Variants in SPTBN4 observed in about 807,000 individuals in gnomAD.
SPTBN4 encodes spectrin beta chain, non-erythrocytic 4.
In SPTBN4, 96 loss-of-function variants were observed where a neutral mutation model predicts 277.8. The observed-to-expected ratio is 0.35, with a 90% CI of 0.29 to 0.41. SPTBN4 has a LOEUF of 0.41. Ranked by LOEUF, SPTBN4 falls within the 10% of genes least tolerant of loss-of-function variation. The pLI is 1.00. For synonymous variants in SPTBN4, 1,481 were observed against 1,580.3 expected (o/e 0.94, Z 1.49); for missense variants, 3,006 against 3,595.7 (o/e 0.84, Z 4.19).
chr19:40,475,809 G>T (rs1323103258), intron 2 of SPTBN4, among the ~76,000 whole-genome samples: 2 of 151,594 alleles, frequency 1.3e-5, no homozygotes, highest in African/African-American at 4.8e-5. Context: ...ACTTTGAGAG[G>T]CCGAGGCGGG....
At chr19:40,493,509 C>A (rs1419106078) in intron 5 of SPTBN4, among the ~76,000 whole-genome samples, 3 of 152,154 alleles carry the variant, frequency 2.0e-5, no homozygotes, top group African/African-American at 7.2e-5. Flanking sequence ...CATAGCAAGA[C>A]CCCATCTCTA....
rs2079982007 is a variant in SPTBN4 at position 40,479,240 on chromosome 19, G to A, written c.169+6450G>A. On this transcript the variant is annotated intron_variant, in intron 2 of 35. Transcript: ENST00000598249. ...AGGCTGAGATGGGAGCATCACTTGA[G>A]CCCAGGAGTTTGAGACCGACCTGGA... Among the ~76,000 whole-genome samples the A allele has an allele frequency of 2.6e-5, 4 of 152,028 alleles. No homozygotes were observed. The South Asian group carries it at 8.3e-4, about 32-fold the overall frequency.
At position 40,567,919 on chromosome 19, in the gene SPTBN4, T is replaced by C. The variant is rs2081112252; in HGVS notation, c.6593T>C (p.Ile2198Thr). ...LQPRIDRLPE[I>T]PGRVEPAALP... ...CCGCGCATTGACCGGCTGCCGGAGA[T>C]CCCGGGGAGGGTGGAGCCCGCGGCC... The change falls in exon 31 of 36, where the codon ATC (isoleucine) becomes ACC (threonine). Residue 2198 changes from isoleucine to threonine, a missense_variant. Physicochemically the swap from Ile to Thr is moderately conservative, Grantham distance 89 (BLOSUM62 -1). Coordinates refer to ENST00000598249, the MANE Select transcript of SPTBN4 (RefSeq NM_020971.3). 6.6e-7 allele frequency: 1 copy of C among 1,521,304 alleles called. No individual in the cohort carries two copies. The allele number at this position is 1,521,304 out of a possible 1,614,324, so 94.2% of individuals were successfully genotyped here.
chr19:40,472,465 CT>C, intron 1 of SPTBN4, 141 bp from the exon 2 acceptor site: 1 of 678,484 alleles, frequency 1.5e-6, no homozygotes, highest in Non-Finnish European at 2.3e-6. Flanking sequence ...GCATGAGCCA[CT>C]GTGCCTAGGC....
At chr19:40,556,961 G>T in intron 25 of SPTBN4, 62 bp from the exon 26 acceptor site, 1 of 1,490,366 alleles carries the variant, frequency 6.7e-7, no homozygotes, top group African/African-American at 1.4e-5. Context: ...GCTGGAGGGG[G>T]CTGGTGTATG....
intron 11 of SPTBN4, 100 bp downstream of exon 11, chr19:40,503,033 A>G (rs978446439): frequency 6.3e-6 from 9 of 1,434,572 alleles, no homozygotes; most frequent in Non-Finnish European, 6.6e-6. Flanking sequence ...GCAACAGGGA[A>G]GAGTTAGATT....
In SPTBN4 at chr19:40,557,134, G is replaced by A; in HGVS notation, c.5401G>A (p.Ala1801Thr). ...TGAGCTGATCGAGTGTGGCCATACA[G>A]CAGCGGCCACCATGGCCGAGTGGAA... Reference protein sequence around the residue: ...VDELIECGHTAAATMAEWKDG... With the variant: ...VDELIECGHTTAATMAEWKDG... The change falls in exon 26 of 36, where the codon GCA becomes ACA. Residue 1801 changes from alanine to threonine, a missense_variant. Around this residue, in one of 5 missense-constraint regions of SPTBN4, gnomAD observed 425 missense variants for 594.7 expected, o/e 0.71. Transcript: ENST00000598249. 4 of 1,611,298 alleles carry A rather than the reference G, an allele frequency of 2.5e-6. No homozygotes were observed. Among genetic ancestry groups the A allele is most frequent in the Non-Finnish European group, 3.4e-6 (4 of 1,177,854 alleles).
chr19:40,506,173 G>T, intron 12 of SPTBN4, 63 bp from the exon 13 acceptor site: 1 of 1,546,096 alleles, frequency 6.5e-7, no homozygotes, highest in Non-Finnish European at 8.7e-7. Context: ...CATAGGCAAT[G>T]GGGGAGAGGT....
Position 40,569,721 on chromosome 19 carries a change from G to C in SPTBN4, c.7021G>C (p.Ala2341Pro), listed in dbSNP as rs199963381. 1 of 1,611,014 alleles carries C rather than the reference G, an allele frequency of 6.2e-7. No individual in the cohort carries two copies. Among genetic ancestry groups the C allele is most frequent in the East Asian group, 2.2e-5 (1 of 44,678 alleles). Reference protein sequence around the residue: ...QEKEAGPGLPAGPSLPQPREL... With the variant: ...QEKEAGPGLPPGPSLPQPREL... ...GAAAGAGGCAGGCCCAGGGCTGCCT[G>C]CTGGGGTAAGTTGAGCCTCGGATGG... The change falls in exon 32 of 36, where the codon GCT becomes CCT. Residue 2341 changes from alanine (A) to proline (P), a missense_variant. Around this residue, in one of 5 missense-constraint regions of SPTBN4, gnomAD observed 630 missense variants for 677.6 expected, o/e 0.93. Transcript: ENST00000598249.
At chr19:40,530,442 G>C in intron 18 of SPTBN4, 1 of 939,806 alleles carries the variant, frequency 1.1e-6, no homozygotes. Flanking sequence ...ACGCGGGCGG[G>C]CGCGCGGCCG....
intron 15 of SPTBN4, among the ~76,000 whole-genome samples, chr19:40,518,778 C>T (rs2080488695): frequency 6.6e-6 from 1 of 152,064 alleles, no homozygotes; most frequent in African/African-American, 2.4e-5. Flanking sequence ...TGGTGCGTGC[C>T]TGTTAGACCT....
intron 13 of SPTBN4, among the ~76,000 whole-genome samples, chr19:40,511,571 C>T (rs1024958887): frequency 3.3e-5 from 5 of 152,192 alleles, no homozygotes; most frequent in Non-Finnish European, 7.3e-5. Context: ...TAGTCGCCAA[C>T]TAGCCATCCA....
chr19:40,503,558 T>C (rs1313092556), intron 11 of SPTBN4, among the ~76,000 whole-genome samples: 1 of 109,700 alleles, frequency 9.1e-6, no homozygotes, highest in South Asian at 3.2e-4. Flanking sequence ...CTGTGGAAGA[T>C]GGGCTGGTCT....
At chr19:40,505,708 AAG>A (rs2080319343) in intron 12 of SPTBN4, among the ~76,000 whole-genome samples, 20 of 128,610 alleles carry the variant, frequency 1.6e-4, no homozygotes, top group Non-Finnish European at 3.2e-4. Context: ...GGGAGGAAGG[AAG>A]GAAGGAAGGA....
chr19:40,542,008 G>A (rs982942247), intron 20 of SPTBN4, among the ~76,000 whole-genome samples: 5 of 152,246 alleles, frequency 3.3e-5, no homozygotes, highest in East Asian at 1.9e-4. Flanking sequence ...TGCAACCTCC[G>A]CCTCCCGGAT....
intron 2 of SPTBN4, among the ~76,000 whole-genome samples, chr19:40,476,987 G>A (rs2079956108): frequency 6.6e-6 from 1 of 151,452 alleles, no homozygotes; most frequent in Admixed American, 6.6e-5. Flanking sequence ...CTGAGTAGCT[G>A]GGATTACAGA....
chr19:40,560,717 A>G lies in SPTBN4; in HGVS notation c.5915+314A>G. 3.6e-6 allele frequency: 5 copies of G among 1,381,006 alleles called. No individual in the cohort carries two copies. Among genetic ancestry groups the G allele is most frequent in the Non-Finnish European group, 3.7e-6 (4 of 1,070,486 alleles). The allele number at this position is 1,381,006 out of a possible 1,614,324, so 85.5% of individuals were successfully genotyped here. On this transcript the variant is annotated intron_variant, in intron 27 of 35. Coordinates refer to ENST00000598249, the MANE Select transcript of SPTBN4 (RefSeq NM_020971.3). This position sits in a 1 kb window ranked among gnomAD's most constrained non-coding sequence, Gnocchi z 5.2. Reference sequence around the variant, plus strand: ...ATGGGCAAGGGAGGTGTGGGACTGTATTTGTGAGGGTGGGTGAAGAATTCT... The same window carrying G: ...ATGGGCAAGGGAGGTGTGGGACTGTGTTTGTGAGGGTGGGTGAAGAATTCT...
Position 40,515,870 on chromosome 19 carries a change from GCGCACACA to G in SPTBN4, c.2903+424_2903+431del, listed in dbSNP as rs1185002348. 8.1e-6 allele frequency among the ~76,000 whole-genome samples: 1 copy of G among 124,042 alleles called. No individual in the cohort carries two copies. The highest frequency in any genetic ancestry group is 1.6e-5 in the Non-Finnish European group (1 of 60,888). The allele number at this position is 124,042 out of a possible 152,430, so 81.4% of individuals were successfully genotyped here. On this transcript the variant is annotated intron_variant, in intron 15 of 35. Transcript: ENST00000598249. The surrounding 1 kb of genome is among the most constrained non-coding windows in gnomAD (Gnocchi z 4.1). ...AAACCCCGTCTCTCTCTCTACGTGC[GCGCACACA>G]CACACACACACACACACACACAAAA...
intron 25 of SPTBN4, 97 bp downstream of exon 25, chr19:40,556,385 C>A: frequency 1.9e-6 from 2 of 1,079,878 alleles, no homozygotes; most frequent in African/African-American, 1.6e-5. Flanking sequence ...TAACAGCACC[C>A]GCCTCATGGC....
Sources: gnomAD v4.1 joint callset for allele counts (sites outside exome capture counted in the v4.1 genomes callset) on GRCh38, gnomAD v4.1.1 for gene constraint, gnomAD v4.1.1 regional missense constraint, Gnocchi (gnomAD v3.1) non-coding constraint, MANE v1.5 for transcripts, NCBI Gene and HGNC (gene_info 2026-07-23, HGNC 2026-07-21) for gene names.